The following IL1RL1 variants were observed in gnomAD, a reference collection of about 807,000 sequenced individuals.
IL1RL1 encodes interleukin-1 receptor-like 1.
A neutral mutation model predicts 50.9 loss-of-function variants in IL1RL1; 32 were observed. The observed-to-expected ratio is 0.63, with a 90% CI of 0.47 to 0.84. The LOEUF (loss-of-function observed/expected upper bound fraction) is 0.84. IL1RL1 is among the 40% of genes least tolerant of loss of function. The probability of loss-of-function intolerance (pLI) is 0.00; values close to 1 mark genes in which losing one functional copy is unlikely to be tolerated. For missense variants in IL1RL1, 773 were observed against 662.9 expected (o/e 1.17, Z -1.82); for synonymous variants, 275 against 236.0 (o/e 1.17, Z -1.51).
intron 4 of IL1RL1, 50 bp downstream of exon 4, chr2:102,340,322 G>T: frequency 6.8e-7 from 1 of 1,472,452 alleles, no homozygotes. Context: ...AATTAAAATA[G>T]ACACAAGTGG....
rs10172153 is a variant in IL1RL1 at position 102,330,986 on chromosome 2, T to C, written c.-149-7130T>C. Among the ~76,000 whole-genome samples the C allele has an allele frequency of 5.4e-3, 821 of 152,326 alleles. 17 individuals carry two copies. Among genetic ancestry groups the C allele is most frequent in the African/African-American group, 0.019 (787 of 41,566 alleles). On this transcript the variant is annotated intron_variant, in intron 1 of 10. Coordinates refer to ENST00000233954, the MANE Select transcript of IL1RL1 (RefSeq NM_016232.5). ...TAGAGAGTCAATTTTTCTATCATTA[T>C]GTGTCGAAGGCAGTGTTTTTCACAA...
intron 10 of IL1RL1, among the ~76,000 whole-genome samples, chr2:102,350,657 T>C (rs945281888): frequency 1.2e-4 from 18 of 152,250 alleles, no homozygotes; most frequent in Admixed American, 5.2e-4. Context: ...TGGAATCCAT[T>C]GCACCCTTGT....
At chr2:102,350,994 T>A (rs1167682926) in intron 10 of IL1RL1, among the ~76,000 whole-genome samples, 1 of 152,198 alleles carries the variant, frequency 6.6e-6, no homozygotes, top group African/African-American at 2.4e-5. Flanking sequence ...GGGGATCTAT[T>A]GTCCCTTGAG....
chr2:102,327,940 T>G (rs1449459786), intron 1 of IL1RL1, among the ~76,000 whole-genome samples: 40 of 151,954 alleles, frequency 2.6e-4, no homozygotes, highest in African/African-American at 8.7e-4. Context: ...GGAGGAGCTG[T>G]TACCATTCCT....
At chr2:102,350,314 T>C (rs1479740756) in intron 10 of IL1RL1, among the ~76,000 whole-genome samples, 2 of 152,228 alleles carry the variant, frequency 1.3e-5, no homozygotes, top group Non-Finnish European at 2.9e-5. Context: ...CACCTCTTCT[T>C]TTTCAGTCTA....
chr2:102,316,991 A>G (rs898824918), intron 1 of IL1RL1, among the ~76,000 whole-genome samples: 4 of 152,146 alleles, frequency 2.6e-5, no homozygotes, highest in African/African-American at 9.7e-5. Context: ...TTTTCCATTG[A>G]ATGATGTTTT....
chr2:102,336,915 C>G (rs1480748294), intron 1 of IL1RL1, among the ~76,000 whole-genome samples: 3 of 152,114 alleles, frequency 2.0e-5, no homozygotes, highest in Non-Finnish European at 4.4e-5. Context: ...TGGTGTCTGC[C>G]AAATGAGGAG....
chr2:102,346,765 T>C (rs1677797210), intron 8 of IL1RL1, among the ~76,000 whole-genome samples: 1 of 152,252 alleles, frequency 6.6e-6, no homozygotes, highest in Admixed American at 6.5e-5. Flanking sequence ...CTTGATTCCA[T>C]ACTGCTGGTC....
At chr2:102,311,989 T>C (rs1224836800) in intron 1 of IL1RL1, among the ~76,000 whole-genome samples, 15 of 31,532 alleles carry the variant, frequency 4.8e-4, no homozygotes, top group East Asian at 2.9e-3. Context: ...TAATATATAT[T>C]ATATATAATA....
chr2:102,343,356 T>G lies in IL1RL1; in HGVS notation c.911T>G (p.Leu304Arg), dbSNP rs768364736. The G allele has an allele frequency of 2.3e-5, 37 of 1,614,216 alleles. No individual in the cohort carries two copies. The highest frequency in any genetic ancestry group is 2.8e-5 in the Non-Finnish European group (33 of 1,180,028). ...EEDLLLQYDC[L>R]ALNLHGLRRH... ...GATTTATTGCTGCAGTACGACTGTC[T>G]GGCCCTGAATTTGCATGGCTTGAGA... The change falls in exon 8 of 11, where the codon CTG becomes CGG. Residue 304 changes from leucine (L) to arginine (R), a missense_variant. Leu to Arg is a moderately radical substitution (Grantham distance 102). Transcript: ENST00000233954.
chr2:102,311,994 A>C (rs1402627787), intron 1 of IL1RL1, among the ~76,000 whole-genome samples: 1 of 32,510 alleles, frequency 3.1e-5, no homozygotes, highest in Non-Finnish European at 4.8e-5. Flanking sequence ...TATATTATAT[A>C]TAATATATTT....
At position 102,339,105 on chromosome 2, in the gene IL1RL1, A is replaced by G. The variant is rs535012886; in HGVS notation, c.272+58A>G. 5.5e-5 allele frequency: 69 copies of G among 1,248,136 alleles called. No homozygotes were observed. In the East Asian group the frequency reaches 6.3e-4, roughly 11 times the overall value. The allele number at this position is 1,248,136 out of a possible 1,614,324, so 77.3% of individuals were successfully genotyped here. ...CCTGCTCCCCTTTCTTCAGTGGTTG[A>G]TTGCCTGAGCTGCCCTTGCTTTCAT... is the stretch of plus-strand genomic sequence containing the variant. On this transcript the variant is annotated intron_variant, in intron 3 of 10. Coordinates refer to ENST00000233954, the MANE Select transcript of IL1RL1 (RefSeq NM_016232.5).
chr2:102,314,503 C>G (rs924229370), intron 1 of IL1RL1, among the ~76,000 whole-genome samples: 2 of 152,142 alleles, frequency 1.3e-5, no homozygotes, highest in African/African-American at 4.8e-5. Flanking sequence ...GACTTGATAA[C>G]TTATCAGTTG....
chr2:102,328,534 G>T (rs977749108), intron 1 of IL1RL1, among the ~76,000 whole-genome samples: 8 of 152,076 alleles, frequency 5.3e-5, no homozygotes, highest in Admixed American at 3.9e-4. Context: ...GGAAATAAAG[G>T]GTATTCAATT....
intron 1 of IL1RL1, among the ~76,000 whole-genome samples, chr2:102,326,405 A>G (rs1189983927): frequency 6.6e-6 from 1 of 152,188 alleles, no homozygotes; most frequent in Non-Finnish European, 1.5e-5. Context: ...AACATGCCAA[A>G]TTGTAAAGAC....
At chr2:102,341,292 C>A in intron 5 of IL1RL1, 1 of 1,251,758 alleles carries the variant, frequency 8.0e-7, no homozygotes, top group Non-Finnish European at 1.0e-6. Flanking sequence ...CTATGGTGTA[C>A]ATAAATGTTG....
intron 1 of IL1RL1, among the ~76,000 whole-genome samples, chr2:102,334,663 T>A (rs1234766282): frequency 6.6e-6 from 1 of 152,192 alleles, no homozygotes; most frequent in African/African-American, 2.4e-5. Flanking sequence ...GAAATTCATA[T>A]AAGATTAATG....
intron 10 of IL1RL1, among the ~76,000 whole-genome samples, chr2:102,350,599 C>A (rs964936222): frequency 1.3e-5 from 2 of 152,268 alleles, no homozygotes; most frequent in African/African-American, 2.4e-5. Context: ...CATCAAAATC[C>A]TCTCTGCACC....
intron 10 of IL1RL1, 43 bp downstream of exon 10, chr2:102,349,289 T>C (rs1677869717): frequency 1.3e-6 from 2 of 1,559,160 alleles, no homozygotes; most frequent in African/African-American, 2.7e-5. Context: ...TTCATGCTTA[T>C]TAAAGGCTGT....
Sources: allele counts gnomAD v4.1 joint callset (sites outside exome capture counted in the v4.1 genomes callset), GRCh38; gene constraint gnomAD v4.1.1; transcripts MANE v1.5; gene names NCBI Gene and HGNC (gene_info 2026-07-23, HGNC 2026-07-21).